The following KCTD1 variants were observed in gnomAD, a reference collection of about 807,000 sequenced individuals.
The protein encoded by KCTD1 is BTB/POZ domain-containing protein KCTD1.
KCTD1 carries 24 observed loss-of-function variants against 66.0 expected under a neutral mutation model. The ratio of observed to expected loss-of-function variants is 0.36; its 90% CI spans 0.26 to 0.51. The LOEUF (loss-of-function observed/expected upper bound fraction) is 0.51, where lower values mean the gene tolerates loss of function less well. KCTD1 is among the 20% of genes least tolerant of loss of function. The pLI is 0.95. For missense variants in KCTD1, 943 were observed against 1,205.2 expected (o/e 0.78, Z 3.22); for synonymous variants, 511 against 517.2 (o/e 0.99, Z 0.16).
upstream of KCTD1, among the ~76,000 whole-genome samples, chr18:26,643,044 A>G (rs532747161): frequency 3.3e-5 from 5 of 152,240 alleles, no homozygotes; most frequent in Middle Eastern, 3.4e-3. Context: ...ACAAAATAGC[A>G]CAGACTGGGT....
At chr18:26,562,426 T>TGGGGGGTG (rs1047114168) in intron 1 of KCTD1, among the ~76,000 whole-genome samples, 4 of 1,760 alleles carry the variant, frequency 2.3e-3, no homozygotes, top group Admixed American at 7.7e-3. Flanking sequence ...TGAAGCCCGG[T>TGGGGGGTG]GGGGGGTGGG....
chr18:26,620,889 G>A (rs1248848541), intron 1 of KCTD1, among the ~76,000 whole-genome samples: 1 of 142,770 alleles, frequency 7.0e-6, no homozygotes, highest in Non-Finnish European at 1.5e-5. Flanking sequence ...CTGGAGTGCC[G>A]TGGCGCGATC....
chr18:26,596,375 G>A (rs1369109120), intron 1 of KCTD1, among the ~76,000 whole-genome samples: 2 of 152,196 alleles, frequency 1.3e-5, no homozygotes, highest in Non-Finnish European at 2.9e-5. Flanking sequence ...TCACCAGAAA[G>A]TGAATCCTGC....
chr18:26,541,474 C>T (rs1359822983), intron 1 of KCTD1, among the ~76,000 whole-genome samples: 1 of 152,102 alleles, frequency 6.6e-6, no homozygotes, highest in Non-Finnish European at 1.5e-5. Flanking sequence ...TGATATCCAC[C>T]CCTGCCAAAT....
intron 3 of KCTD1, among the ~76,000 whole-genome samples, chr18:26,467,133 TTTG>T (rs891538976): frequency 2.1e-5 from 3 of 142,152 alleles, no homozygotes; most frequent in Admixed American, 1.3e-4. Flanking sequence ...TACGGTATAG[TTTG>T]TTTTTTTTTT....
chr18:26,491,966 G>T (rs1011913086), intron 2 of KCTD1, among the ~76,000 whole-genome samples: 7 of 152,188 alleles, frequency 4.6e-5, no homozygotes, highest in African/African-American at 1.7e-4. Flanking sequence ...TCCCACTTGG[G>T]GTGGGCATGG....
At chr18:26,513,239 A>G (rs937532238) in intron 1 of KCTD1, among the ~76,000 whole-genome samples, 14 of 151,532 alleles carry the variant, frequency 9.2e-5, no homozygotes, top group Admixed American at 8.5e-4. Context: ...AGGCGCCCGC[A>G]ACCACGCCGG....
At chr18:26,586,170 A>G (rs1301498962) in intron 1 of KCTD1, among the ~76,000 whole-genome samples, 1 of 152,232 alleles carries the variant, frequency 6.6e-6, no homozygotes, top group Non-Finnish European at 1.5e-5. Flanking sequence ...TAGCAAATCA[A>G]TCAGCACCAT....
At chr18:26,651,668 C>A (rs2145080436) in intron 1 of KCTD1, among the ~76,000 whole-genome samples, 1 of 151,388 alleles carries the variant, frequency 6.6e-6, no homozygotes, top group East Asian at 1.9e-4. Context: ...CCTGTAGTCC[C>A]AGCTACTCAG....
rs370694764 is a variant in KCTD1 at position 26,459,675 on chromosome 18, G to A, written c.2384C>T (p.Ser795Leu). The A allele has an allele frequency of 6.8e-6, 11 of 1,612,520 alleles. No individual in the cohort carries two copies. The highest frequency in any genetic ancestry group is 2.7e-5 in the African/African-American group (2 of 74,894). ...TAGTGGAAACCTGATGACGTGCGTC[G>A]AGTCGTGATTCCAGCCTGCATTGAC... ...NSVNAGWNHDSTHVIRFPLNG... is the reference protein window; with the variant it reads ...NSVNAGWNHDLTHVIRFPLNG... Residue 795 changes from serine (S) to leucine (L), a missense_variant, in exon 4 of 5, where the codon TCG becomes TTG. Physicochemically the swap from Ser to Leu is moderately radical, Grantham distance 145. Transcript: ENST00000580059.
chr18:26,613,840 C>T (rs891074472), intron 1 of KCTD1, among the ~76,000 whole-genome samples: 5 of 152,152 alleles, frequency 3.3e-5, no homozygotes, highest in African/African-American at 1.2e-4. Flanking sequence ...ATATCGGGGC[C>T]TTTGCACATA....
In KCTD1 at chr18:26,485,265, G is replaced by A. The variant is rs114282817; in HGVS notation, c.1989-8606C>T. ...GGTAGGTACCATTATCCCCATTTTA[G>A]AGGCAAGGACACCTAGCCAACTAAT... On this transcript the variant is annotated intron_variant, in intron 2 of 4. Transcript: ENST00000580059. Among the ~76,000 whole-genome samples, 1,307 of 152,238 alleles carry A rather than the reference G, an allele frequency of 8.6e-3. 22 individuals carry two copies. Among genetic ancestry groups the A allele is most frequent in the African/African-American group, 0.03 (1,258 of 41,540 alleles).
In KCTD1 at chr18:26,547,007, C is replaced by G. The variant is rs1254661988; in HGVS notation, c.1530G>C (p.Leu510=). ...CTTTGGGGAGGATGTAAGTGTTCCC[C>G]AGCGAGGGCGGCTGGGGGCGGTGGT... The part of the protein sequence containing the change: ...SHHHRPQPPS[L]GNTYILPKDS... Residue 510 remains leucine, a synonymous_variant, in exon 1 of 5, where the codon CTG becomes CTC. Transcript: ENST00000580059. 1.4e-6 allele frequency: 2 copies of G among 1,382,658 alleles called. No individual in the cohort carries two copies. Among genetic ancestry groups the G allele is most frequent in the Admixed American group, 5.2e-5 (2 of 38,186 alleles). The allele number at this position is 1,382,658 out of a possible 1,614,324, so 85.6% of individuals were successfully genotyped here. A position where few individuals can be genotyped will look rare whatever the true frequency, so the allele number is the denominator to read the frequency against.
intron 1 of KCTD1, among the ~76,000 whole-genome samples, chr18:26,594,605 C>A (rs1222413161): frequency 6.6e-6 from 1 of 152,152 alleles, no homozygotes; most frequent in African/African-American, 2.4e-5. Flanking sequence ...TCCTTTCAAG[C>A]CTGTTACTGG....
chr18:26,577,537 T>G (rs1986252642), intron 1 of KCTD1, among the ~76,000 whole-genome samples: 1 of 136,060 alleles, frequency 7.3e-6, no homozygotes, highest in Non-Finnish European at 1.6e-5. Context: ...TCATGAGCAT[T>G]TCTTAATTTT....
upstream of KCTD1, among the ~76,000 whole-genome samples, chr18:26,643,202 G>A (rs1987864782): frequency 6.6e-6 from 1 of 152,118 alleles, no homozygotes; most frequent in Non-Finnish European, 1.5e-5. Flanking sequence ...CCTCTTCTTT[G>A]TGTGAGAGCA....
intron 1 of KCTD1, among the ~76,000 whole-genome samples, chr18:26,592,023 T>C (rs1168246154): frequency 6.6e-6 from 1 of 152,230 alleles, no homozygotes; most frequent in Non-Finnish European, 1.5e-5. Context: ...ACTGTGTAAG[T>C]AACTACAACT....
At chr18:26,629,610 C>T (rs553834545), upstream of KCTD1, among the ~76,000 whole-genome samples, 1 of 152,154 alleles carries the variant, frequency 6.6e-6, no homozygotes, top group East Asian at 1.9e-4. Flanking sequence ...TACATTGCAA[C>T]CTCAAAGATG....
chr18:26,552,114 C>G, upstream of KCTD1, among the ~76,000 whole-genome samples: 1 of 152,274 alleles, frequency 6.6e-6, no homozygotes, highest in South Asian at 2.1e-4. Flanking sequence ...TGGGGGGTCT[C>G]TTTGTATATT....
Sources: gnomAD v4.1 joint callset for allele counts (sites outside exome capture counted in the v4.1 genomes callset) on GRCh38, gnomAD v4.1.1 for gene constraint, MANE v1.5 for transcripts, NCBI Gene and HGNC (gene_info 2026-07-23, HGNC 2026-07-21) for gene names.